D2HGDH: variants seen among roughly 807,000 people sequenced by gnomAD.
D2HGDH encodes the protein D-2-hydroxyglutarate dehydrogenase.
Under a neutral mutation model 46.9 loss-of-function variants are expected in D2HGDH, and 31 were observed. The ratio of observed to expected loss-of-function variants is 0.66; its 90% CI spans 0.50 to 0.89. The LOEUF (loss-of-function observed/expected upper bound fraction) is 0.89. D2HGDH is among the 40% of genes least tolerant of loss of function. The pLI, the probability that D2HGDH is intolerant of heterozygous loss-of-function variation, is 0.00. For missense variants in D2HGDH, 698 were observed against 720.8 expected (o/e 0.97, Z 0.36); for synonymous variants, 364 against 332.6 (o/e 1.09, Z -1.03).
Position 241,742,620 on chromosome 2 carries a change from T to A in D2HGDH, c.490+46T>A. 6.2e-7 allele frequency: 1 copy of A among 1,611,912 alleles called. No individual in the cohort carries two copies. On this transcript the variant is annotated intron_variant, in intron 4 of 9. Transcript: ENST00000321264. This position sits in a 1 kb window ranked among gnomAD's most constrained non-coding sequence, Gnocchi z 4.8. ...GGGGCCCAGGAGTCCCTCCTGGTGC[T>A]GGTGGAGTTCTTCCTTGCCAGCGTC...
Position 241,743,216 on chromosome 2 carries a change from G to A in D2HGDH, c.491-406G>A, listed in dbSNP as rs1694987792. On this transcript the variant is annotated intron_variant, in intron 4 of 9. Transcript: ENST00000321264. The surrounding 1 kb of genome is among the most constrained non-coding windows in gnomAD (Gnocchi z 4.8). Reference sequence around the variant, plus strand: ...GGCCCCGGTCACTCTGTGGTCGGGCGCCTGCACTGTTGGGTGTTGAGCAGC... The same window carrying A: ...GGCCCCGGTCACTCTGTGGTCGGGCACCTGCACTGTTGGGTGTTGAGCAGC... Among the ~76,000 whole-genome samples the A allele has an allele frequency of 6.6e-6, 1 of 152,182 alleles. No homozygotes were observed. Among genetic ancestry groups the A allele is most frequent in the Admixed American group, 6.5e-5 (1 of 15,290 alleles).
Position 241,743,952 on chromosome 2 carries a change from G to T in D2HGDH, c.684+137G>T. The T allele has an allele frequency of 2.1e-6, 2 of 947,442 alleles. No homozygotes were observed. The highest frequency in any genetic ancestry group is 3.2e-6 in the Non-Finnish European group (2 of 632,182). The allele number at this position is 947,442 out of a possible 1,614,324, so 58.7% of individuals were successfully genotyped here. On this transcript the variant is annotated intron_variant, in intron 5 of 9. Coordinates refer to ENST00000321264, the MANE Select transcript of D2HGDH (RefSeq NM_152783.5). The surrounding 1 kb of genome is among the most constrained non-coding windows in gnomAD (Gnocchi z 4.8). ...TGGTTCCTGGCCCTGGGCCCCTCAAGGATGTGTGGGCTACATACACCCCCA... is the reference window on the plus strand; with the variant it reads ...TGGTTCCTGGCCCTGGGCCCCTCAATGATGTGTGGGCTACATACACCCCCA...
chr2:241,756,818 A>T (rs1014464390), intron 9 of D2HGDH, among the ~76,000 whole-genome samples: 3 of 152,046 alleles, frequency 2.0e-5, no homozygotes, highest in Admixed American at 1.3e-4. Flanking sequence ...CACCGTGCCC[A>T]GCTGTTTTCC....
chr2:241,743,231 T>C lies in D2HGDH; in HGVS notation c.491-391T>C, dbSNP rs1335287878. Among the ~76,000 whole-genome samples, 2 of 152,138 alleles carry C rather than the reference T, an allele frequency of 1.3e-5. No homozygotes were observed. The highest frequency in any genetic ancestry group is 4.8e-5 in the African/African-American group (2 of 41,420). On this transcript the variant is annotated intron_variant, in intron 4 of 9. Coordinates refer to ENST00000321264, the MANE Select transcript of D2HGDH (RefSeq NM_152783.5). This position sits in a 1 kb window ranked among gnomAD's most constrained non-coding sequence, Gnocchi z 4.8. ...GTGGTCGGGCGCCTGCACTGTTGGGTGTTGAGCAGCATCCTTGGCCTCCGC... is the reference window on the plus strand; with the variant it reads ...GTGGTCGGGCGCCTGCACTGTTGGGCGTTGAGCAGCATCCTTGGCCTCCGC...
chr2:241,740,963 G>T, intron 2 of D2HGDH, 70 bp from the exon 3 acceptor site: 1 of 1,321,300 alleles, frequency 7.6e-7, no homozygotes, highest in South Asian at 1.2e-5. Context: ...TCGCTCTCTG[G>T]GGCGAGTGAC....
At chr2:241,744,560 G>A in intron 5 of D2HGDH, 149 bp from the exon 6 acceptor site, 1 of 982,630 alleles carries the variant, frequency 1.0e-6, no homozygotes, top group Non-Finnish European at 1.6e-6. Context: ...GCTGTGTGTG[G>A]AGGGTGTCAC....
chr2:241,741,511 A>G lies in D2HGDH; in HGVS notation c.350+421A>G, dbSNP rs188098534. Among the ~76,000 whole-genome samples the G allele has an allele frequency of 1.2e-4, 18 of 144,654 alleles. No individual in the cohort carries two copies. The East Asian group carries it at 2.6e-3, about 21-fold the overall frequency. The allele number at this position is 144,654 out of a possible 152,430, so 94.9% of individuals were successfully genotyped here. ...TTCATGTGTGGGGCTTGCTGTCTCC[A>G]GGGTTTATTTCATGTGTGGGGCTTG... On this transcript the variant is annotated intron_variant, in intron 3 of 9. Coordinates refer to ENST00000321264, the MANE Select transcript of D2HGDH (RefSeq NM_152783.5).
intron 6 of D2HGDH, among the ~76,000 whole-genome samples, chr2:241,745,902 C>T (rs911768813): frequency 2.0e-5 from 3 of 152,186 alleles, no homozygotes; most frequent in African/African-American, 7.2e-5. Flanking sequence ...CTGGCCTCCT[C>T]GCTGTTGGGA....
At chr2:241,749,652 T>G (rs564292357) in intron 6 of D2HGDH, 1 of 324,448 alleles carries the variant, frequency 3.1e-6, no homozygotes, top group Non-Finnish European at 6.0e-6. Flanking sequence ...GGCTCTGTGT[T>G]TGCAGAATTC....
Position 241,735,293 on chromosome 2 carries a change from T to C in D2HGDH, c.69T>C (p.Ser23=), listed in dbSNP as rs1312629395. The C allele has an allele frequency of 2.6e-6, 4 of 1,527,652 alleles. No homozygotes were observed. The highest frequency in any genetic ancestry group is 8.7e-7 in the Non-Finnish European group (1 of 1,144,092). The allele number at this position is 1,527,652 out of a possible 1,614,324, so 94.6% of individuals were successfully genotyped here. ...LLRGAPGAAG[S]WGRPVGPLAR... is the part of the protein sequence containing the mutation. ...GGGGTGCTCCGGGAGCCGCGGGTTC[T>C]TGGGGTCGGCCGGTTGGCCCCCTGG... The change falls in exon 2 of 10, where the codon TCT becomes TCC. Residue 23 remains serine, a synonymous_variant. Coordinates refer to ENST00000321264, the MANE Select transcript of D2HGDH (RefSeq NM_152783.5).
intron 9 of D2HGDH, among the ~76,000 whole-genome samples, chr2:241,757,728 C>T (rs1333212617): frequency 3.3e-5 from 5 of 152,098 alleles, no homozygotes; most frequent in South Asian, 2.1e-4. Flanking sequence ...GAGGCTGAGG[C>T]GGGTGGATCA....
chr2:241,739,403 G>A (rs1256852026), intron 2 of D2HGDH, among the ~76,000 whole-genome samples: 1 of 152,250 alleles, frequency 6.6e-6, no homozygotes, highest in African/African-American at 2.4e-5. Flanking sequence ...GGTTCCCTCA[G>A]GTGCCGCACT....
Position 241,735,188 on chromosome 2 carries a change from C to A in D2HGDH, c.-37C>A, listed in dbSNP as rs773503026. On this transcript the variant is annotated 5_prime_UTR_variant, in exon 2 of 10. Transcript: ENST00000321264. ...CTCCGGGCCCTGAGTACCGGCCCCC[C>A]ACCAAGGAGGAGCCCGAGGTCTCCG... 2.7e-6 allele frequency: 4 copies of A among 1,493,786 alleles called. No individual in the cohort carries two copies. The highest frequency in any genetic ancestry group is 2.4e-4 in the Middle Eastern group (1 of 4,230). The allele number at this position is 1,493,786 out of a possible 1,614,324, so 92.5% of individuals were successfully genotyped here.
At chr2:241,745,106 G>A (rs533723120) in intron 6 of D2HGDH, among the ~76,000 whole-genome samples, 3 of 152,056 alleles carry the variant, frequency 2.0e-5, no homozygotes, top group African/African-American at 7.2e-5. Flanking sequence ...TCTCTGGTCA[G>A]AGGACACTTC....
At chr2:241,740,994 C>A in intron 2 of D2HGDH, 39 bp from the exon 3 acceptor site, 2 of 1,571,002 alleles carry the variant, frequency 1.3e-6, no homozygotes, top group South Asian at 1.1e-5. Context: ...ATCTGCAGCT[C>A]CCCCCACGCT....
intron 9 of D2HGDH, among the ~76,000 whole-genome samples, chr2:241,758,330 T>C (rs1482854507): frequency 6.6e-6 from 1 of 152,240 alleles, no homozygotes; most frequent in African/African-American, 2.4e-5. Flanking sequence ...GGGAGTATTT[T>C]AAAATTATAG....
At chr2:241,750,015 GCCAGT>G in intron 6 of D2HGDH, 131 bp from the exon 7 acceptor site, 2 of 1,305,716 alleles carry the variant, frequency 1.5e-6, no homozygotes, top group Non-Finnish European at 2.2e-6. Context: ...TTGTTGCAGT[GCCAGT>G]CCTCGTGCTC....
At chr2:241,754,838 A>G (rs1044509409) in intron 8 of D2HGDH, 7 of 376,476 alleles carry the variant, frequency 1.9e-5, no homozygotes, top group Non-Finnish European at 3.3e-5. Flanking sequence ...CCTGGGCTCA[A>G]GTGATCCTCC....
Position 241,743,953 on chromosome 2 carries a change from G to T in D2HGDH, c.684+138G>T. On this transcript the variant is annotated intron_variant, in intron 5 of 9. Transcript: ENST00000321264. This position sits in a 1 kb window ranked among gnomAD's most constrained non-coding sequence, Gnocchi z 4.8. ...GGTTCCTGGCCCTGGGCCCCTCAAG[G>T]ATGTGTGGGCTACATACACCCCCAT... is the stretch of plus-strand genomic sequence containing the variant. 1.1e-6 allele frequency: 1 copy of T among 952,040 alleles called. No homozygotes were observed. The highest frequency in any genetic ancestry group is 1.6e-6 in the Non-Finnish European group (1 of 636,344). The allele number at this position is 952,040 out of a possible 1,614,324, so 59.0% of individuals were successfully genotyped here.
Sources: gnomAD v4.1 joint callset for allele counts (sites outside exome capture counted in the v4.1 genomes callset) on GRCh38, gnomAD v4.1.1 for gene constraint, Gnocchi (gnomAD v3.1) non-coding constraint, MANE v1.5 for transcripts, NCBI Gene and HGNC (gene_info 2026-07-23, HGNC 2026-07-21) for gene names.